C2CD2L: variants seen among roughly 807,000 people sequenced by gnomAD.
The protein encoded by C2CD2L is phospholipid transfer protein C2CD2L.
In C2CD2L, 24 loss-of-function variants were observed where a neutral mutation model predicts 69.9. The observed-to-expected ratio is 0.34, with a 90% CI of 0.25 to 0.48. The LOEUF is 0.48. Ranked by LOEUF, C2CD2L falls within the 20% of genes least tolerant of loss-of-function variation. The pLI is 0.99. For synonymous variants in C2CD2L, 367 were observed against 391.0 expected (o/e 0.94, Z 0.72); for missense variants, 811 against 941.5 (o/e 0.86, Z 1.81).
At chr11:119,111,926 T>C (rs1946753775) in intron 7 of C2CD2L, 1 of 445,144 alleles carries the variant, frequency 2.2e-6, no homozygotes, top group Non-Finnish European at 4.0e-6. Context: ...GGAGATTAAT[T>C]CCCATGAGGG....
Position 119,110,674 on chromosome 11 carries a change from AACACAG to A in C2CD2L, c.565_570del (p.Thr189_Gln190del). ...ACCACGTCACTCTGACACTGCCACC[AACACAG>A]GTAGAAGGGGATGTGGGAAACTGAG... On this transcript the variant is annotated inframe_deletion and splice_region_variant, in exon 3 of 14. Coordinates refer to ENST00000648610, the MANE Select transcript of C2CD2L (RefSeq NM_001290474.2). The surrounding 1 kb of genome is among the most constrained non-coding windows in gnomAD (Gnocchi z 5.7). The A allele has an allele frequency of 6.2e-7, 1 of 1,613,910 alleles. No homozygotes were observed. Among genetic ancestry groups the A allele is most frequent in the Non-Finnish European group, 8.5e-7 (1 of 1,180,016 alleles).
intron 7 of C2CD2L, chr11:119,112,088 A>G (rs945269479): frequency 1.9e-6 from 1 of 536,452 alleles, no homozygotes; most frequent in African/African-American, 1.9e-5. Flanking sequence ...GAGACTGGCA[A>G]GACAGGAAGA....
Position 119,116,271 on chromosome 11 carries a change from A to G in C2CD2L, c.*15A>G, listed in dbSNP as rs1489055419. 5 of 1,593,722 alleles carry G rather than the reference A, an allele frequency of 3.1e-6. No homozygotes were observed. Among genetic ancestry groups the G allele is most frequent in the Non-Finnish European group, 4.3e-6 (5 of 1,161,760 alleles). On this transcript the variant is annotated 3_prime_UTR_variant, in exon 14 of 14. Transcript: ENST00000648610. ...CCCAGCTCTGAGGACCCAGCTCTGA[A>G]AGGGCACGAGTTCTCTCAGCCCATT...
chr11:119,113,660 A>G lies in C2CD2L; in HGVS notation c.1437A>G (p.Thr479=), dbSNP rs373946034. The part of the protein sequence containing the change: ...PSKVEVTEKT[T]TVLSESSGPS... Reference sequence around the variant, plus strand: ...AGGTGGAGGTGACCGAGAAGACGACAACTGTGCTGAGTGAGAGCAGTGGCC... The same window carrying G: ...AGGTGGAGGTGACCGAGAAGACGACGACTGTGCTGAGTGAGAGCAGTGGCC... Residue 479 remains threonine (T), a synonymous_variant, in exon 11 of 14, where the codon ACA becomes ACG. Coordinates refer to ENST00000648610, the MANE Select transcript of C2CD2L (RefSeq NM_001290474.2). The G allele has an allele frequency of 1.2e-6, 2 of 1,613,456 alleles. No homozygotes were observed. Among genetic ancestry groups the G allele is most frequent in the East Asian group, 2.2e-5 (1 of 44,844 alleles).
chr11:119,103,977 T>C (rs1321356965), upstream of C2CD2L, among the ~76,000 whole-genome samples: 3 of 152,126 alleles, frequency 2.0e-5, no homozygotes, highest in Non-Finnish European at 4.4e-5. Context: ...CACAGACATC[T>C]GTGTACAAGG....
chr11:119,111,192 G>A, intron 5 of C2CD2L, 24 bp downstream of exon 5: 3 of 1,611,828 alleles, frequency 1.9e-6, no homozygotes, highest in East Asian at 4.5e-5. Context: ...CAAAGCAAAA[G>A]ATTTGCATGC....
chr11:119,105,826 G>A (rs1026164121), upstream of C2CD2L, among the ~76,000 whole-genome samples: 2 of 152,034 alleles, frequency 1.3e-5, no homozygotes, highest in Non-Finnish European at 2.9e-5. Context: ...GGGGTCTGAG[G>A]GTTCCTGAAG....
intron 13 of C2CD2L, chr11:119,115,044 CAGG>C (rs1446658545): frequency 1.4e-4 from 21 of 152,686 alleles, no homozygotes; most frequent in African/African-American, 5.1e-4. Flanking sequence ...ATCACAAGGT[CAGG>C]AGTTCAAGAC....
chr11:119,110,993 G>A lies in C2CD2L; in HGVS notation c.681+36G>A, dbSNP rs200082939. 2.6e-3 allele frequency: 4,256 copies of A among 1,613,722 alleles called. 16 individuals carry two copies. Among genetic ancestry groups the A allele is most frequent in the Non-Finnish European group, 2.7e-3 (3,139 of 1,179,656 alleles). ...AGAGCTGGCAGAGAAGAGGCAGAAC[G>A]GGGAGGGAGGCAGAGGTGGGGGATC... On this transcript the variant is annotated intron_variant, in intron 4 of 13. Coordinates refer to ENST00000648610, the MANE Select transcript of C2CD2L (RefSeq NM_001290474.2). This position sits in a 1 kb window ranked among gnomAD's most constrained non-coding sequence, Gnocchi z 5.7.
At chr11:119,113,800 A>G in intron 11 of C2CD2L, 55 bp from the exon 12 acceptor site, 3 of 1,611,890 alleles carry the variant, frequency 1.9e-6, no homozygotes, top group South Asian at 1.1e-5. Context: ...AGGAGTTCCA[A>G]TCCAAGAAAG....
rs1946843089 is a variant in C2CD2L at position 119,114,769 on chromosome 11, T to A, written c.1909+404T>A. The A allele has an allele frequency of 4.1e-6, 1 of 243,056 alleles. No homozygotes were observed. Among genetic ancestry groups the A allele is most frequent in the African/African-American group, 2.3e-5 (1 of 43,274 alleles). The allele number at this position is 243,056 out of a possible 1,614,324, so 15.1% of individuals were successfully genotyped here. A position where few individuals can be genotyped will look rare whatever the true frequency, so the allele number is the denominator to read the frequency against. ...GCCTGGGCAACATGGCGAGACCCCA[T>A]CTCTACTAAAAATACAATAAATTGG... On this transcript the variant is annotated intron_variant, in intron 13 of 13. Transcript: ENST00000648610. This position sits in a 1 kb window ranked among gnomAD's most constrained non-coding sequence, Gnocchi z 5.1.
Position 119,113,839 on chromosome 11 carries a change from T to C in C2CD2L, c.1490-16T>C. The C allele has an allele frequency of 6.2e-7, 1 of 1,613,316 alleles. No homozygotes were observed. Among genetic ancestry groups the C allele is most frequent in the Non-Finnish European group, 8.5e-7 (1 of 1,179,306 alleles). On this transcript the variant is annotated splice_polypyrimidine_tract_variant and intron_variant, in intron 11 of 13. Transcript: ENST00000648610. ...CAGGGAGAAGTCAGGTTATTCATTCTCTGCACCCCTAGCAGGGGACAGCCA... is the reference window on the plus strand; with the variant it reads ...CAGGGAGAAGTCAGGTTATTCATTCCCTGCACCCCTAGCAGGGGACAGCCA...
At position 119,112,867 on chromosome 11, in the gene C2CD2L, C is replaced by A. The variant is rs1196801171; in HGVS notation, c.1380C>A (p.Gly460=). The change falls in exon 10 of 14, where the codon GGC becomes GGA. Residue 460 remains glycine, a synonymous_variant. Coordinates refer to ENST00000648610, the MANE Select transcript of C2CD2L (RefSeq NM_001290474.2). ...TTVQSRPRID[G]KLDSPSRSPS... is the part of the protein sequence containing the mutation. The stretch of plus-strand genomic sequence containing the variant: ...TCCAGTCCCGGCCCCGTATAGACGG[C>A]AAATTAGGTAAAGAGAAGGAGCCTG... 6.2e-7 allele frequency: 1 copy of A among 1,613,552 alleles called. No individual in the cohort carries two copies. Among genetic ancestry groups the A allele is most frequent in the Non-Finnish European group, 8.5e-7 (1 of 1,179,704 alleles).
rs1217153791 is a variant in C2CD2L at position 119,109,975 on chromosome 11, A to C, written c.355-129A>C. ...ACCTCCTGTCTTAAAGCCCTGAGCCAAGGAGGGGCCAGAAGCCAGCCTGCA... is the reference window on the plus strand; with the variant it reads ...ACCTCCTGTCTTAAAGCCCTGAGCCCAGGAGGGGCCAGAAGCCAGCCTGCA... On this transcript the variant is annotated intron_variant, in intron 1 of 13. Transcript: ENST00000648610. The surrounding 1 kb of genome is among the most constrained non-coding windows in gnomAD (Gnocchi z 5.1). 1 of 703,646 alleles carries C rather than the reference A, an allele frequency of 1.4e-6. No homozygotes were observed. Among genetic ancestry groups the C allele is most frequent in the Admixed American group, 2.1e-5 (1 of 47,882 alleles). The allele number at this position is 703,646 out of a possible 1,614,324, so 43.6% of individuals were successfully genotyped here.
intron 7 of C2CD2L, chr11:119,111,857 T>A: frequency 3.8e-6 from 2 of 523,194 alleles, no homozygotes; most frequent in Non-Finnish European, 6.8e-6. Flanking sequence ...ATAAAGAAGA[T>A]GGTAAAACCG....
rs560192325 is a variant in C2CD2L at position 119,114,396 on chromosome 11, CTCT to C, written c.1909+36_1909+38del. 4.5e-4 allele frequency: 731 copies of C among 1,608,084 alleles called. 1 individual carries two copies. Among genetic ancestry groups the C allele is most frequent in the Non-Finnish European group, 6.0e-4 (704 of 1,176,672 alleles). ...GGGACGTTGGCAGGGTGCCCCTCAT[CTCT>C]TCTTTTATACACATATCATGACCTG... On this transcript the variant is annotated intron_variant, in intron 13 of 13. Transcript: ENST00000648610. The surrounding 1 kb of genome is among the most constrained non-coding windows in gnomAD (Gnocchi z 5.1).
At chr11:119,111,486 G>T in intron 6 of C2CD2L, 35 bp from the exon 7 acceptor site, 2 of 1,607,406 alleles carry the variant, frequency 1.2e-6, no homozygotes, top group South Asian at 2.2e-5. Context: ...TCCCATCTCT[G>T]ATCTGAGCAT....
At position 119,109,305 on chromosome 11, in the gene C2CD2L, G is replaced by A. The variant is rs1212432790; in HGVS notation, c.355-799G>A. On this transcript the variant is annotated intron_variant, in intron 1 of 13. Coordinates refer to ENST00000648610, the MANE Select transcript of C2CD2L (RefSeq NM_001290474.2). The surrounding 1 kb of genome is among the most constrained non-coding windows in gnomAD (Gnocchi z 5.1). ...CAAGGAAGAGTTGCCAGCCAATTCT[G>A]TGCCCCTTCCTCAATTCTGTGTCCG... Among the ~76,000 whole-genome samples the A allele has an allele frequency of 6.6e-6, 1 of 152,214 alleles. No homozygotes were observed. The highest frequency in any genetic ancestry group is 2.4e-5 in the African/African-American group (1 of 41,452).
At chr11:119,106,348 A>C (rs773146892), upstream of C2CD2L, among the ~76,000 whole-genome samples, 5 of 152,242 alleles carry the variant, frequency 3.3e-5, no homozygotes, top group Non-Finnish European at 5.9e-5. Context: ...TGTGTGCCAA[A>C]GACCTTCCCA....
Sources: gnomAD v4.1 joint callset for allele counts (sites outside exome capture counted in the v4.1 genomes callset) on GRCh38, gnomAD v4.1.1 for gene constraint, Gnocchi (gnomAD v3.1) non-coding constraint, MANE v1.5 for transcripts, NCBI Gene and HGNC (gene_info 2026-07-23, HGNC 2026-07-21) for gene names.